Variants in SAMD3 observed in about 807,000 individuals in gnomAD.
SAMD3 encodes the protein sterile alpha motif domain-containing protein 3.
In SAMD3, 63 loss-of-function variants were observed where a neutral mutation model predicts 58.5. The ratio of observed to expected loss-of-function variants is 1.08; its 90% confidence interval spans 0.88 to 1.33. The LOEUF (loss-of-function observed/expected upper bound fraction) is 1.33. Ranked by LOEUF, SAMD3 falls within the 40% of genes most tolerant of loss-of-function variation. The probability of loss-of-function intolerance (pLI) is 0.00; values close to 1 mark genes in which losing one functional copy is unlikely to be tolerated. For missense variants in SAMD3, 604 were observed against 608.4 expected (o/e 0.99, Z 0.08); for synonymous variants, 220 against 210.3 (o/e 1.05, Z -0.40).
chr6:130,196,487 AC>A (rs1233341842), intron 5 of SAMD3, among the ~76,000 whole-genome samples: 1 of 151,590 alleles, frequency 6.6e-6, no homozygotes, highest in East Asian at 1.9e-4. Context: ...CCTGTTTCTC[AC>A]CCTGATCACA....
chr6:130,165,590 T>C (rs1354469842), intron 8 of SAMD3, among the ~76,000 whole-genome samples: 5 of 152,124 alleles, frequency 3.3e-5, no homozygotes. Flanking sequence ...GCCATAAATG[T>C]AAAGAGCTAG....
At chr6:130,208,088 G>T (rs535924485) in intron 5 of SAMD3, among the ~76,000 whole-genome samples, 1 of 152,200 alleles carries the variant, frequency 6.6e-6, no homozygotes. Flanking sequence ...TCTAAATCTC[G>T]GTTGTACTCA....
intron 1 of SAMD3, among the ~76,000 whole-genome samples, chr6:130,328,960 A>G (rs1776839490): frequency 6.6e-6 from 1 of 152,174 alleles, no homozygotes; most frequent in Non-Finnish European, 1.5e-5. Flanking sequence ...TCAGAGGGAA[A>G]CGAGAATATA....
chr6:130,194,586 C>T (rs192901357), intron 5 of SAMD3, among the ~76,000 whole-genome samples: 1 of 152,202 alleles, frequency 6.6e-6, no homozygotes, highest in Admixed American at 6.5e-5. Context: ...AGGCATTTCT[C>T]CAGAACCTCC....
At chr6:130,319,626 G>A (rs1776514824) in intron 1 of SAMD3, among the ~76,000 whole-genome samples, 1 of 152,098 alleles carries the variant, frequency 6.6e-6, no homozygotes, top group Non-Finnish European at 1.5e-5. Context: ...AAAAAATGTT[G>A]AAAGAAGTCT....
At chr6:130,201,295 A>G (rs910384589) in intron 5 of SAMD3, among the ~76,000 whole-genome samples, 7 of 152,208 alleles carry the variant, frequency 4.6e-5, no homozygotes, top group East Asian at 1.9e-4. Flanking sequence ...GTAGTTTTCA[A>G]TTCTCACTAT....
chr6:130,153,258 A>G (rs1311013586), intron 9 of SAMD3, among the ~76,000 whole-genome samples: 1 of 152,198 alleles, frequency 6.6e-6, no homozygotes, highest in Non-Finnish European at 1.5e-5. Context: ...TGGCTATTAC[A>G]GTTCCTTACA....
intron 5 of SAMD3, among the ~76,000 whole-genome samples, chr6:130,197,264 T>C (rs1359177288): frequency 6.6e-6 from 1 of 152,208 alleles, no homozygotes; most frequent in East Asian, 1.9e-4. Flanking sequence ...TTGTCATCCC[T>C]ACTATCTTCT....
At chr6:130,335,683 T>C (rs1777077138) in intron 1 of SAMD3, among the ~76,000 whole-genome samples, 1 of 152,190 alleles carries the variant, frequency 6.6e-6, no homozygotes, top group Non-Finnish European at 1.5e-5. Flanking sequence ...CAAAGGACTA[T>C]AAATCATGCT....
intron 2 of SAMD3, among the ~76,000 whole-genome samples, chr6:130,288,305 T>G (rs1775236172): frequency 6.6e-6 from 1 of 152,210 alleles, no homozygotes. Context: ...GAGTCAATGT[T>G]GCAGTCTCAA....
intron 1 of SAMD3, among the ~76,000 whole-genome samples, chr6:130,335,888 A>G (rs149814623): frequency 0.032 from 4,863 of 152,036 alleles, 261 homozygotes; most frequent in African/African-American, 0.11. Flanking sequence ...ATTGGAAATC[A>G]TCATTCTCAG....
intron 7 of SAMD3, among the ~76,000 whole-genome samples, chr6:130,176,456 T>G (rs71572907): frequency 0.095 from 14,403 of 152,222 alleles, 1,078 homozygotes; most frequent in African/African-American, 0.21. Flanking sequence ...AAATTTGTTT[T>G]GATGAGTACT....
At chr6:130,169,825 CG>C (rs937600365) in intron 8 of SAMD3, among the ~76,000 whole-genome samples, 7 of 152,120 alleles carry the variant, frequency 4.6e-5, no homozygotes, top group African/African-American at 1.7e-4. Context: ...TCTTATCCCG[CG>C]GACTGACCCT....
At chr6:130,291,178 C>T (rs936424482) in intron 2 of SAMD3, among the ~76,000 whole-genome samples, 2 of 152,208 alleles carry the variant, frequency 1.3e-5, no homozygotes, top group Non-Finnish European at 2.9e-5. Context: ...GGAACCTCTG[C>T]TTCCTGAGTT....
intron 4 of SAMD3, among the ~76,000 whole-genome samples, chr6:130,211,465 G>A (rs1487992600): frequency 1.3e-5 from 2 of 151,814 alleles, no homozygotes; most frequent in Admixed American, 6.6e-5. Flanking sequence ...TGTATTTTTA[G>A]TAGAGATGGG....
intron 5 of SAMD3, among the ~76,000 whole-genome samples, chr6:130,197,893 C>T (rs750985944): frequency 3.1e-4 from 47 of 152,084 alleles, no homozygotes; most frequent in Non-Finnish European, 5.9e-4. Context: ...ATGGCCGGTT[C>T]CTGCCTTAAC....
chr6:130,261,619 C>T (rs533614981), intron 2 of SAMD3, among the ~76,000 whole-genome samples: 11 of 151,858 alleles, frequency 7.2e-5, no homozygotes, highest in South Asian at 2.1e-4. Flanking sequence ...TGTTTTGTCT[C>T]GAAGAAGCAT....
intron 2 of SAMD3, among the ~76,000 whole-genome samples, chr6:130,286,868 C>A (rs1452252277): frequency 6.6e-6 from 1 of 152,122 alleles, no homozygotes; most frequent in Non-Finnish European, 1.5e-5. Flanking sequence ...CACAACCACG[C>A]CTGGCTAATT....
rs1582844246 is a variant in SAMD3, at chr6:130,186,885, C to G, written c.384-2262G>C. On this transcript the variant is annotated intron_variant, in intron 5 of 11. Transcript: ENST00000439090. Reference sequence around the variant, plus strand: ...TCCCGGGTTCAAGCGATTCTCCTGCCTCAGCCTCCTGAGTAGCTGGGACTA... The same window carrying G: ...TCCCGGGTTCAAGCGATTCTCCTGCGTCAGCCTCCTGAGTAGCTGGGACTA... 2.0e-5 allele frequency among the ~76,000 whole-genome samples: 3 copies of G among 151,274 alleles called. No homozygotes were observed. The East Asian group carries it at 5.8e-4, about 29-fold the overall frequency.
Sources: allele counts gnomAD v4.1 joint callset (sites outside exome capture counted in the v4.1 genomes callset), GRCh38; gene constraint gnomAD v4.1.1; transcripts MANE v1.5; gene names NCBI Gene and HGNC (gene_info 2026-07-23, HGNC 2026-07-21).